SRRM1: variants seen among roughly 807,000 people sequenced by gnomAD.
The protein encoded by SRRM1 is serine and arginine repetitive matrix 1, also known as serine/arginine repetitive matrix protein 1.
A neutral mutation model predicts 110.2 loss-of-function variants in SRRM1; 19 were observed. That is an observed-to-expected ratio of 0.17 (90% CI 0.12 to 0.25). The LOEUF (loss-of-function observed/expected upper bound fraction) is 0.25. Ranked by LOEUF, SRRM1 falls within the 10% of genes least tolerant of loss-of-function variation. SRRM1 has a pLI of 1.00. For missense variants in SRRM1, 918 were observed against 1,145.8 expected, an observed-to-expected ratio of 0.80 and a Z score of 2.87; for synonymous variants, 443 against 414.9, an observed-to-expected ratio of 1.07 and a Z score of -0.82.
rs776396078 is a variant in SRRM1, at chr1:24,662,663, C to G, written c.1487C>G (p.Ser496Cys). 6.2e-7 allele frequency: 1 copy of G among 1,613,546 alleles called. No homozygotes were observed. Reference sequence around the variant, plus strand: ...TTTTTTAATTTTGTAATTATAGACTCTGGCTCCTCCTCCTCCTCAGAAGAT... The same window carrying G: ...TTTTTTAATTTTGTAATTATAGACTGTGGCTCCTCCTCCTCCTCAGAAGAT... Reference protein sequence around the residue: ...RRQNQQSSSDSGSSSSSEDER... With the variant: ...RRQNQQSSSDCGSSSSSEDER... Residue 496 changes from serine to cysteine, a missense_variant, in exon 12 of 17, where the codon TCT becomes TGT. This residue lies in a region of SRRM1 where 357 missense variants were observed against 402.9 expected (regional missense o/e 0.89). Coordinates refer to ENST00000323848, the MANE Select transcript of SRRM1 (RefSeq NM_005839.4).
intron 9 of SRRM1, among the ~76,000 whole-genome samples, chr1:24,656,188 C>CT (rs1429334790): frequency 6.6e-6 from 1 of 152,182 alleles, no homozygotes; most frequent in East Asian, 1.9e-4. Flanking sequence ...ATTATTCACC[C>CT]TGTTGCCTTA....
chr1:24,665,122 C>T (rs769649541), intron 12 of SRRM1, among the ~76,000 whole-genome samples: 2 of 152,080 alleles, frequency 1.3e-5, no homozygotes, highest in Non-Finnish European at 2.9e-5. Flanking sequence ...GCTTCAGTAT[C>T]GTATTTTAGA....
chr1:24,649,367 A>G (rs1415820961), intron 4 of SRRM1, among the ~76,000 whole-genome samples: 1 of 152,226 alleles, frequency 6.6e-6, no homozygotes, highest in Non-Finnish European at 1.5e-5. Flanking sequence ...CACCCAGGCT[A>G]GAGTGCAGTG....
intron 9 of SRRM1, among the ~76,000 whole-genome samples, chr1:24,658,621 GGT>G (rs540410090): frequency 7.6e-4 from 116 of 152,248 alleles, no homozygotes; most frequent in African/African-American, 2.6e-3. Flanking sequence ...AGTTCTCTAA[GGT>G]GTGGTAACTT....
At chr1:24,652,283 G>A in intron 6 of SRRM1, 151 bp from the exon 7 acceptor site, 1 of 489,914 alleles carries the variant, frequency 2.0e-6, no homozygotes. Context: ...TTCAGTGATA[G>A]GTACATACAT....
chr1:24,663,878 AAATAATAATAATAATAATAAT>A lies in SRRM1; in HGVS notation c.1628+1092_1628+1112del, dbSNP rs10555916. The stretch of plus-strand genomic sequence containing the variant: ...GCAACAGAGCTAAATTCCCTCTCAA[AAATAATAATAATAATAATAAT>A]AATAATAATAATAATAAATAAAAGC... On this transcript the variant is annotated intron_variant, in intron 12 of 16. Transcript: ENST00000323848. 5.1e-4 allele frequency among the ~76,000 whole-genome samples: 72 copies of A among 141,508 alleles called. No homozygotes were observed. The East Asian group carries it at 0.011, about 21-fold the overall frequency. The allele number at this position is 141,508 out of a possible 152,430, so 92.8% of individuals were successfully genotyped here.
At chr1:24,649,188 C>G (rs1052350098) in intron 4 of SRRM1, among the ~76,000 whole-genome samples, 159 bp downstream of exon 4, 6 of 152,208 alleles carry the variant, frequency 3.9e-5, no homozygotes, top group African/African-American at 7.2e-5. Context: ...CTCCCTCCAA[C>G]CAAACATTGA....
chr1:24,654,193 A>G, intron 8 of SRRM1: 1 of 736,658 alleles, frequency 1.4e-6, no homozygotes, highest in Non-Finnish European at 2.0e-6. Context: ...TGCAAACAGC[A>G]TGTTTAAATT....
chr1:24,643,884 C>T (rs1423776898), intron 1 of SRRM1, among the ~76,000 whole-genome samples: 1 of 152,136 alleles, frequency 6.6e-6, no homozygotes, highest in Non-Finnish European at 1.5e-5. Flanking sequence ...AGGTCCTAAG[C>T]CTTCGTGGAG....
At chr1:24,666,268 G>A (rs1669938372) in intron 12 of SRRM1, among the ~76,000 whole-genome samples, 1 of 152,130 alleles carries the variant, frequency 6.6e-6, no homozygotes, top group Admixed American at 6.5e-5. Flanking sequence ...TCACAAAACG[G>A]TACTTACCCT....
At position 24,655,041 on chromosome 1, in the gene SRRM1, C is replaced by G. The variant is rs751571015; in HGVS notation, c.1227C>G (p.Pro409=). The change falls in exon 9 of 17, where the codon CCC becomes CCG. Residue 409 remains proline, a synonymous_variant. Transcript: ENST00000323848. The part of the protein sequence containing the change: ...HRPSPPATPP[P]KTRHSPTPQQ... ...CATCACCTCCTGCAACTCCACCACC[C>G]AAAACTCGGCATTCCCCTACACCCC... 1.9e-6 allele frequency: 3 copies of G among 1,614,044 alleles called. No individual in the cohort carries two copies. Among genetic ancestry groups the G allele is most frequent in the Non-Finnish European group, 2.5e-6 (3 of 1,180,038 alleles).
chr1:24,657,434 A>G (rs893544055), intron 9 of SRRM1, among the ~76,000 whole-genome samples: 2 of 152,222 alleles, frequency 1.3e-5, no homozygotes, highest in Non-Finnish European at 2.9e-5. Context: ...TGAGAAATGG[A>G]GGGCAGGGTT....
intron 1 of SRRM1, among the ~76,000 whole-genome samples, chr1:24,644,056 A>G (rs955036665): frequency 3.9e-5 from 6 of 152,026 alleles, no homozygotes; most frequent in African/African-American, 1.2e-4. Flanking sequence ...GGAGTGATTC[A>G]ATTCCTTCCC....
intron 1 of SRRM1, 190 bp downstream of exon 1, chr1:24,643,537 C>T: frequency 4.2e-6 from 2 of 481,594 alleles, no homozygotes; most frequent in Middle Eastern, 5.2e-4. Flanking sequence ...GCGCAGTCTC[C>T]TCCTCCGGAA....
chr1:24,647,381 AAG>A (rs1658211358), intron 3 of SRRM1: 2 of 152,536 alleles, frequency 1.3e-5, no homozygotes, highest in African/African-American at 4.8e-5. Flanking sequence ...TAAAGGAACT[AAG>A]GTCTTTGTAG....
At chr1:24,665,306 G>A (rs1353772594) in intron 12 of SRRM1, among the ~76,000 whole-genome samples, 10 of 152,126 alleles carry the variant, frequency 6.6e-5, no homozygotes, top group Non-Finnish European at 1.2e-4. Flanking sequence ...GCGCATGCCT[G>A]TAGTCCCAGC....
chr1:24,660,051 T>G (rs1666344228), intron 9 of SRRM1, among the ~76,000 whole-genome samples: 1 of 152,270 alleles, frequency 6.6e-6, no homozygotes, highest in African/African-American at 2.4e-5. Flanking sequence ...TCTTCTTTTC[T>G]AGACCAAATA....
At chr1:24,661,119 T>C in intron 10 of SRRM1, 191 bp from the exon 11 acceptor site, 1 of 551,846 alleles carries the variant, frequency 1.8e-6, no homozygotes, top group Non-Finnish European at 3.3e-6. Context: ...AAATAAATTT[T>C]ATTATATTTG....
At position 24,652,505 on chromosome 1, in the gene SRRM1, A is replaced by C; in HGVS notation, c.797A>C (p.Lys266Thr). ...GAACCTTCTCCGGAAAAAAATTCCA[A>C]AAAAGAAAAGGAGAAGGAGAAGACC... The part of the protein sequence containing the change: ...PKEPSPEKNS[K>T]KEKEKEKTRP... The change falls in exon 7 of 17, where the codon AAA becomes ACA. Residue 266 changes from lysine (K) to threonine (T), a missense_variant. Coordinates refer to ENST00000323848, the MANE Select transcript of SRRM1 (RefSeq NM_005839.4). The C allele has an allele frequency of 6.2e-7, 1 of 1,613,212 alleles. No individual in the cohort carries two copies. The highest frequency in any genetic ancestry group is 8.5e-7 in the Non-Finnish European group (1 of 1,179,738).
Sources: allele counts gnomAD v4.1 joint callset (sites outside exome capture counted in the v4.1 genomes callset), GRCh38; gene constraint gnomAD v4.1.1; regional missense constraint gnomAD v4.1.1; transcripts MANE v1.5; gene names NCBI Gene and HGNC (gene_info 2026-07-23, HGNC 2026-07-21).